SLC12A7: variants seen among roughly 807,000 people sequenced by gnomAD.
SLC12A7 encodes solute carrier family 12 member 7.
SLC12A7 carries 100 observed loss-of-function variants against 120.6 expected under a neutral mutation model. That is an observed-to-expected ratio of 0.83 (90% CI 0.71 to 0.98). SLC12A7 has a LOEUF of 0.98. Ranked by LOEUF, SLC12A7 falls within the 50% of genes least tolerant of loss-of-function variation. The pLI is 0.00. For synonymous variants in SLC12A7, 760 were observed against 678.0 expected (o/e 1.12, Z -1.88); for missense variants, 1,373 against 1,548.1 (o/e 0.89, Z 1.90).
At chr5:1,093,719 C>T in intron 2 of SLC12A7, 64 bp from the exon 3 acceptor site, 3 of 1,599,610 alleles carry the variant, frequency 1.9e-6, no homozygotes, top group East Asian at 2.2e-5. Flanking sequence ...GACCTCCCTC[C>T]CCGTGTTCAG....
the SLC12A7 span, among the ~76,000 whole-genome samples, chr5:1,135,224 TG>T: frequency 3.9e-5 from 6 of 152,218 alleles, no homozygotes; most frequent in Admixed American, 3.9e-4. Flanking sequence ...GGAAAGACTG[TG>T]GGGCCAGCCA....
At chr5:1,078,485 G>A (rs1228395401) in intron 11 of SLC12A7, 1 of 610,952 alleles carries the variant, frequency 1.6e-6, no homozygotes, top group Non-Finnish European at 3.0e-6. Context: ...GCCGCATCAG[G>A]GCTTGGAGTT....
the SLC12A7 span, among the ~76,000 whole-genome samples, chr5:1,137,217 G>A: frequency 1.3e-5 from 2 of 152,028 alleles, no homozygotes; most frequent in Non-Finnish European, 2.9e-5. Flanking sequence ...TCACAGGCGG[G>A]GCCACCTGTG....
chr5:1,085,455 C>A lies in SLC12A7; in HGVS notation c.694G>T (p.Ala232Ser). ...GCAGCCTCCGCCTGGAAGATGGCCGCACCCGGGGAGATGTACGTCTGTGGG... is the reference window on the plus strand; with the variant it reads ...GCAGCCTCCGCCTGGAAGATGGCCGAACCCGGGGAGATGTACGTCTGTGGG... ...EIFLTYISPG[A>S]AIFQAEAAGG... Residue 232 changes from alanine (A) to serine (S), a missense_variant, in exon 7 of 24, where the codon GCG becomes TCG. By Grantham distance (99) the Ala-to-Ser change is moderately conservative. Transcript: ENST00000264930. The A allele has an allele frequency of 6.2e-7, 1 of 1,607,760 alleles. No homozygotes were observed.
chr5:1,093,753 G>A (rs573898641), intron 2 of SLC12A7, 98 bp from the exon 3 acceptor site: 84 of 1,530,436 alleles, frequency 5.5e-5, no homozygotes, highest in South Asian at 1.6e-4. Context: ...GGCCCTCCCC[G>A]GGTCCTCAGC....
the SLC12A7 span, among the ~76,000 whole-genome samples, chr5:1,137,161 C>G: frequency 2.6e-5 from 4 of 152,154 alleles, no homozygotes; most frequent in Non-Finnish European, 5.9e-5. Flanking sequence ...CGGGTTTTCA[C>G]CCCCTCAAGC....
the SLC12A7 span, among the ~76,000 whole-genome samples, chr5:1,150,140 G>A: frequency 6.6e-6 from 1 of 152,158 alleles, no homozygotes; most frequent in Admixed American, 6.5e-5. Context: ...AGGAGTTCTT[G>A]GCATCCTCTG....
the SLC12A7 span, among the ~76,000 whole-genome samples, chr5:1,127,626 G>A: frequency 1.8e-4 from 28 of 152,268 alleles, no homozygotes; most frequent in African/African-American, 6.0e-4. Flanking sequence ...CTGTGATAAC[G>A]ATCTTGTAAA....
In SLC12A7 at chr5:1,057,510, G is replaced by A. The variant is rs760266513; in HGVS notation, c.2987C>T (p.Thr996Ile). The change falls in exon 22 of 24, where the codon ACC becomes ATC. Residue 996 changes from threonine (T) to isoleucine (I), a missense_variant. Transcript: ENST00000264930. The part of the protein sequence containing the change: ...LIAEKYRSRD[T>I]SLSGFKDLFS... ...GAGGTCTTTGAAACCAGATAGGCTG[G>A]TGTCTCTGCTCCTGTACTTCTCAGC... 64 of 1,613,150 alleles carry A rather than the reference G, an allele frequency of 4.0e-5. No individual in the cohort carries two copies. Among genetic ancestry groups the A allele is most frequent in the Non-Finnish European group, 5.3e-5 (62 of 1,179,928 alleles).
At position 1,085,488 on chromosome 5, in the gene SLC12A7, C is replaced by G. The variant is rs1170665579; in HGVS notation, c.676-15G>C. The G allele has an allele frequency of 2.5e-6, 4 of 1,590,410 alleles. No individual in the cohort carries two copies. Among genetic ancestry groups the G allele is most frequent in the Non-Finnish European group, 2.6e-6 (3 of 1,168,352 alleles). ...GAGATGTACGTCTGTGGGAACAAGG[C>G]CGGTCGGGAGGCCGTCCCCGGACAC... On this transcript the variant is annotated splice_polypyrimidine_tract_variant and intron_variant, in intron 6 of 23. Transcript: ENST00000264930.
intron 15 of SLC12A7, 88 bp downstream of exon 15, chr5:1,075,283 G>GC (rs1178055054): frequency 4.6e-6 from 7 of 1,516,990 alleles, no homozygotes; most frequent in Non-Finnish European, 4.5e-6. Flanking sequence ...CCCCAGGGAG[G>GC]CCCCTCCAGG....
Position 1,098,068 on chromosome 5 carries a change from T to TCTGCTCACCCAGCCCCCCTCTAACCC in SLC12A7, c.125-3821_125-3820insGGGTTAGAGGGGGGCTGGGTGAGCAG, listed in dbSNP as rs1561100705. ...TAAAAATCCAATGCCCTCTCTAACC[T>TCTGCTCACCCAGCCCCCCTCTAACCC]TCTGCACACCCAGCCGCCCCCTCCA... On this transcript the variant is annotated intron_variant, in intron 1 of 23. Coordinates refer to ENST00000264930, the MANE Select transcript of SLC12A7 (RefSeq NM_006598.3). 8.7e-5 allele frequency among the ~76,000 whole-genome samples: 13 copies of TCTGCTCACCCAGCCCCCCTCTAACCC among 149,880 alleles called. No individual in the cohort carries two copies. The South Asian group carries it at 2.7e-3, about 32-fold the overall frequency.
At chr5:1,062,042 G>A (rs1307469542) in intron 20 of SLC12A7, among the ~76,000 whole-genome samples, 1 of 152,220 alleles carries the variant, frequency 6.6e-6, no homozygotes, top group Non-Finnish European at 1.5e-5. Flanking sequence ...ACGGAGGGGT[G>A]GGCAGCCCCA....
chr5:1,141,464 GAGCCGCCACGGGCACCAC>G, the SLC12A7 span, among the ~76,000 whole-genome samples: 2 of 97,058 alleles, frequency 2.1e-5, no homozygotes, highest in African/African-American at 6.1e-5. Flanking sequence ...ATGGGCACCA[GAGCCGCCACGGGCACCAC>G]AGCTGTCCCT....
chr5:1,069,506 G>A (rs567975192), intron 17 of SLC12A7, among the ~76,000 whole-genome samples: 144 of 152,354 alleles, frequency 9.5e-4, no homozygotes, highest in African/African-American at 3.2e-3. Flanking sequence ...GACAGAGGGG[G>A]CACCCGCATG....
At chr5:1,143,670 T>C in the SLC12A7 span, among the ~76,000 whole-genome samples, 870 of 152,284 alleles carry the variant, frequency 5.7e-3, 5 homozygotes, top group Non-Finnish European at 9.1e-3. Context: ...GTTCTCCCTG[T>C]GTCCTGGTGC....
chr5:1,099,442 G>A (rs1309826431), intron 1 of SLC12A7, among the ~76,000 whole-genome samples: 1 of 142,128 alleles, frequency 7.0e-6, no homozygotes, highest in South Asian at 2.1e-4. Flanking sequence ...ACCCAGCCCC[G>A]ACCCAGTCCA....
chr5:1,059,517 T>C (rs887037798), intron 21 of SLC12A7, among the ~76,000 whole-genome samples: 1 of 152,152 alleles, frequency 6.6e-6, no homozygotes, highest in East Asian at 1.9e-4. Flanking sequence ...GAAGACCCCA[T>C]GAGGCCGTGA....
the SLC12A7 span, among the ~76,000 whole-genome samples, chr5:1,118,885 C>T: frequency 6.6e-6 from 1 of 152,196 alleles, no homozygotes; most frequent in Non-Finnish European, 1.5e-5. Context: ...ACTTCTGGGC[C>T]GGCTGGCGGG....
Sources: allele counts gnomAD v4.1 joint callset (sites outside exome capture counted in the v4.1 genomes callset), GRCh38; gene constraint gnomAD v4.1.1; transcripts MANE v1.5; gene names NCBI Gene and HGNC (gene_info 2026-07-23, HGNC 2026-07-21).